AQP7: variants seen among roughly 807,000 people sequenced by gnomAD.
AQP7 encodes aquaporin 7.
A neutral mutation model predicts 26.1 loss-of-function variants in AQP7; 22 were observed. The observed-to-expected ratio is 0.84, with a 90% CI of 0.60 to 1.20. The LOEUF (loss-of-function observed/expected upper bound fraction) is 1.20. Ranked by LOEUF, AQP7 falls within the 50% of genes most tolerant of loss-of-function variation. AQP7 has a pLI of 0.00. For missense variants in AQP7, 412 were observed against 457.5 expected (o/e 0.90, Z 0.91); for synonymous variants, 167 against 181.7 (o/e 0.92, Z 0.65).
chr9:33,387,535 A>AAC (rs368909443), intron 3 of AQP7, among the ~76,000 whole-genome samples: 5,911 of 150,246 alleles, frequency 0.039, 173 homozygotes, highest in East Asian at 0.13. Flanking sequence ...TCCCTGCACA[A>AAC]ACACACACAC....
At position 33,385,709 on chromosome 9, in the gene AQP7, G is replaced by A. The variant is rs377195045; in HGVS notation, c.683C>T (p.Ser228Phe). 6.2e-7 allele frequency: 1 copy of A among 1,613,848 alleles called. No homozygotes were observed. The highest frequency in any genetic ancestry group is 8.5e-7 in the Non-Finnish European group (1 of 1,180,042). ...GAAGATGCGGGGGGGCAGGTCCCGG[G>A]ACGGGTTGATGGCATATCCTGTGTT... is the stretch of plus-strand genomic sequence containing the variant. Reference protein sequence around the residue: ...GMNTGYAINPSRDLPPRIFTF... With the variant: ...GMNTGYAINPFRDLPPRIFTF... Residue 228 changes from serine to phenylalanine, a missense_variant, in exon 7 of 8, where the codon TCC becomes TTC. Ser to Phe is a radical substitution (Grantham distance 155). Coordinates refer to ENST00000297988, the MANE Select transcript of AQP7 (RefSeq NM_001170.3).
chr9:33,387,916 T>C (rs372649052), intron 3 of AQP7, among the ~76,000 whole-genome samples: 93 of 152,106 alleles, frequency 6.1e-4, no homozygotes, highest in East Asian at 4.5e-3. Flanking sequence ...CCTGGTTGCC[T>C]CCTCCCTGCT....
chr9:33,401,797 C>A (rs1189234758), intron 1 of AQP7: 1 of 161,808 alleles, frequency 6.2e-6, no homozygotes, highest in Non-Finnish European at 1.4e-5. Context: ...GTACTCCTAT[C>A]TTTATCTCTA....
chr9:33,386,962 C>T lies in AQP7; in HGVS notation c.268+7G>A. The stretch of plus-strand genomic sequence containing the variant: ...TGCCCGGTCCGGCAGGGCCTGGGCT[C>T]ACTCACCAGAGATGCGGCCTGCCAC... On this transcript the variant is annotated splice_region_variant and intron_variant, in intron 4 of 7. Coordinates refer to ENST00000297988, the MANE Select transcript of AQP7 (RefSeq NM_001170.3). 1 of 1,611,914 alleles carries T rather than the reference C, an allele frequency of 6.2e-7. No individual in the cohort carries two copies. Among genetic ancestry groups the T allele is most frequent in the South Asian group, 1.1e-5 (1 of 90,982 alleles).
intron 3 of AQP7, 144 bp downstream of exon 3, chr9:33,394,934 C>G (rs547481035): frequency 6.1e-5 from 44 of 723,794 alleles, no homozygotes; most frequent in East Asian, 7.9e-5. Flanking sequence ...GAAAGCCCCC[C>G]CTCCTTACTT....
rs140886274 is a variant in AQP7, at chr9:33,385,137, G to A, written c.897C>T (p.Thr299=). 4.1e-4 allele frequency: 663 copies of A among 1,611,964 alleles called. 1 individual carries two copies. The highest frequency in any genetic ancestry group is 4.0e-3 in the African/African-American group (299 of 74,964). ...CATGAGATCCCATCTTGGGCAATAC[G>A]GTTATCCCGTGGTCTTCATACGCCA... ...DSVAYEDHGI[T]VLPKMGSHEP... Residue 299 remains threonine, a synonymous_variant, in exon 8 of 8, where the codon ACC becomes ACT. Transcript: ENST00000297988.
intron 1 of AQP7, chr9:33,401,550 G>C: frequency 2.0e-6 from 1 of 506,912 alleles, no homozygotes; most frequent in Non-Finnish European, 3.6e-6. Context: ...CGTGTCTGCA[G>C]CCCGGCTTTG....
rs772335702 is a variant in AQP7, at chr9:33,387,101, G to A, written c.145-9C>T. On this transcript the variant is annotated splice_polypyrimidine_tract_variant and intron_variant, in intron 3 of 7. Transcript: ENST00000297988. ...GAACCAAGGCCGAATACCTACAAGG[G>A]AGGGCCTCTAAGGGGGCTGCCTGCC... is the stretch of plus-strand genomic sequence containing the variant. 2 of 1,611,454 alleles carry A rather than the reference G, an allele frequency of 1.2e-6. No individual in the cohort carries two copies. Among genetic ancestry groups the A allele is most frequent in the Non-Finnish European group, 1.7e-6 (2 of 1,179,488 alleles).
Position 33,385,409 on chromosome 9 carries a change from C to T in AQP7, c.744-119G>A, listed in dbSNP as rs1824653372. ...ATCCCCAGGCTACCCCAGGAAACAC[C>T]CCCAACCCAGGGCCCTGGTCAGCCT... On this transcript the variant is annotated intron_variant, in intron 7 of 7. Transcript: ENST00000297988. The T allele has an allele frequency of 3.2e-6, 4 of 1,247,468 alleles. No homozygotes were observed. In the Admixed American group the frequency reaches 9.1e-5, roughly 28 times the overall value. The allele number at this position is 1,247,468 out of a possible 1,614,324, so 77.3% of individuals were successfully genotyped here. A position where few individuals can be genotyped will look rare whatever the true frequency, so the allele number is the denominator to read the frequency against.
At position 33,385,698 on chromosome 9, in the gene AQP7, G is replaced by T. The variant is rs759029108; in HGVS notation, c.694C>A (p.Pro232Thr). 30 of 1,613,830 alleles carry T rather than the reference G, an allele frequency of 1.9e-5. No homozygotes were observed. Among genetic ancestry groups the T allele is most frequent in the Non-Finnish European group, 2.5e-5 (30 of 1,180,048 alleles). ...GYAINPSRDL[P>T]PRIFTFIAGW... ...GCAATGAAGGTGAAGATGCGGGGGG[G>T]CAGGTCCCGGGACGGGTTGATGGCA... is the stretch of plus-strand genomic sequence containing the variant. Residue 232 changes from proline (P) to threonine (T), a missense_variant, in exon 7 of 8, where the codon CCC becomes ACC. Physicochemically the swap from Pro to Thr is conservative, Grantham distance 38. Transcript: ENST00000297988.
Position 33,386,490 on chromosome 9 carries a change from A to G in AQP7, c.320T>C (p.Val107Ala), listed in dbSNP as rs1324502794. ...ATAGACCGGAAACTTCCTCCAGGGC[A>G]CGCGGCCCAGCGCACAGTTAGCAAA... Reference protein sequence around the residue: ...VTFANCALGRVPWRKFPVYVL... With the variant: ...VTFANCALGRAPWRKFPVYVL... Residue 107 changes from valine to alanine, a missense_variant, in exon 5 of 8, where the codon GTG (valine) becomes GCG (alanine). Transcript: ENST00000297988. 1.9e-6 allele frequency: 3 copies of G among 1,612,564 alleles called. No homozygotes were observed. In the East Asian group the frequency reaches 6.7e-5, roughly 36 times the overall value.
rs576424658 is a variant in AQP7 at position 33,384,375 on chromosome 9, G to T, written c.*630C>A. ...AGGGAATTAAAACTGATTCTTAAAA[G>T]GGGAGGTGAAAAAAAAATCTTACTC... On this transcript the variant is annotated 3_prime_UTR_variant, in exon 8 of 8. Coordinates refer to ENST00000297988, the MANE Select transcript of AQP7 (RefSeq NM_001170.3). 1 of 151,922 alleles carries T rather than the reference G, an allele frequency of 6.6e-6. No homozygotes were observed. The highest frequency in any genetic ancestry group is 2.4e-5 in the African/African-American group (1 of 41,352). The allele number at this position is 151,922 out of a possible 1,614,324, so 9.4% of individuals were successfully genotyped here.
chr9:33,386,208 A>C lies in AQP7; in HGVS notation c.407-13T>G, dbSNP rs748482134. ...TGGAGAATGGCCGCTGCGGAGACAC[A>C]GACTGTCATGCGAACCTGCTCCCAA... is the stretch of plus-strand genomic sequence containing the variant. On this transcript the variant is annotated splice_polypyrimidine_tract_variant and intron_variant, in intron 5 of 7. Transcript: ENST00000297988. The C allele has an allele frequency of 3.7e-6, 6 of 1,613,942 alleles. No homozygotes were observed. The South Asian group carries it at 5.5e-5, about 15-fold the overall frequency.
chr9:33,385,957 A>G, intron 6 of AQP7, 91 bp from the exon 7 acceptor site: 5 of 1,560,174 alleles, frequency 3.2e-6, no homozygotes, highest in East Asian at 2.3e-5. Context: ...ACCAGCAGAG[A>G]CACGTCTCGG....
rs572957001 is a variant in AQP7, at chr9:33,386,071, A to C, written c.525+6T>G. The C allele has an allele frequency of 2.5e-6, 4 of 1,612,884 alleles. No homozygotes were observed. The South Asian group carries it at 4.4e-5, about 18-fold the overall frequency. ...GGGGGAGGGATACTCATCCTCGACC[A>C]CTGACCTCATTCAGGAAGCCCCGCC... On this transcript the variant is annotated splice_donor_region_variant and intron_variant, in intron 6 of 7. Transcript: ENST00000297988.
At chr9:33,399,662 G>C (rs1194402514) in intron 2 of AQP7, among the ~76,000 whole-genome samples, 1 of 151,972 alleles carries the variant, frequency 6.6e-6, no homozygotes, top group Non-Finnish European at 1.5e-5. Context: ...GGGATACAAA[G>C]TCAAAACCCA....
chr9:33,385,923 C>T (rs535233892), intron 6 of AQP7, 57 bp from the exon 7 acceptor site: 349 of 1,570,192 alleles, frequency 2.2e-4, no homozygotes, highest in Non-Finnish European at 2.9e-4. Flanking sequence ...CACAGGACCT[C>T]GGCAGTGCCC....
At chr9:33,385,497 C>G in intron 7 of AQP7, 152 bp downstream of exon 7, 4 of 1,074,592 alleles carry the variant, frequency 3.7e-6, no homozygotes, top group Non-Finnish European at 2.7e-6. Flanking sequence ...CTGTACTGGC[C>G]TGGGGAAATG....
chr9:33,396,267 A>G (rs988703931), intron 2 of AQP7, among the ~76,000 whole-genome samples: 2 of 151,982 alleles, frequency 1.3e-5, no homozygotes, highest in African/African-American at 2.4e-5. Flanking sequence ...GAGAAACCCC[A>G]TCTCTACTAA....
Sources: gnomAD v4.1 joint callset for allele counts (sites outside exome capture counted in the v4.1 genomes callset) on GRCh38, gnomAD v4.1.1 for gene constraint, MANE v1.5 for transcripts, NCBI Gene and HGNC (gene_info 2026-07-23, HGNC 2026-07-21) for gene names.